The following FBXL20 variants were observed in gnomAD, a reference collection of about 807,000 sequenced individuals.
FBXL20 encodes the protein F-box/LRR-repeat protein 20.
Under a neutral mutation model 64.0 loss-of-function variants are expected in FBXL20, and 11 were observed. The ratio of observed to expected loss-of-function variants is 0.17; its 90% CI spans 0.11 to 0.28. The LOEUF (loss-of-function observed/expected upper bound fraction) is 0.28. Ranked by LOEUF, FBXL20 falls within the 10% of genes least tolerant of loss-of-function variation. FBXL20 has a pLI of 1.00. For missense variants in FBXL20, 303 were observed against 526.2 expected (o/e 0.58, Z 4.15); for synonymous variants, 184 against 189.0 (o/e 0.97, Z 0.22).
At chr17:39,326,356 G>A (rs1597799179) in intron 2 of FBXL20, among the ~76,000 whole-genome samples, 1 of 151,922 alleles carries the variant, frequency 6.6e-6, no homozygotes, top group East Asian at 1.9e-4. Context: ...ACTAATCAAA[G>A]TTAACTTAAA....
At chr17:39,312,699 G>GAT (rs1279374602) in intron 2 of FBXL20, among the ~76,000 whole-genome samples, 1 of 141,522 alleles carries the variant, frequency 7.1e-6, no homozygotes, top group Non-Finnish European at 1.5e-5. Context: ...TCAGTCTCCC[G>GAT]AGTTGCTGGG....
At chr17:39,362,603 G>A (rs1356550709) in intron 1 of FBXL20, among the ~76,000 whole-genome samples, 13 of 150,378 alleles carry the variant, frequency 8.6e-5, no homozygotes, top group African/African-American at 1.5e-4. Flanking sequence ...GATTACAGGC[G>A]TGAGCCACCA....
chr17:39,379,896 T>C (rs1322192683), intron 1 of FBXL20, among the ~76,000 whole-genome samples: 3 of 152,144 alleles, frequency 2.0e-5, no homozygotes, highest in Non-Finnish European at 4.4e-5. Context: ...GGAGGATCAC[T>C]TGAGCCCAGG....
At chr17:39,393,420 T>C (rs892120435) in intron 1 of FBXL20, among the ~76,000 whole-genome samples, 7 of 152,210 alleles carry the variant, frequency 4.6e-5, no homozygotes. Context: ...CAGTGGTTAC[T>C]ACATTTGATT....
Position 39,260,794 on chromosome 17 carries a change from T to C in FBXL20, c.*666A>G, listed in dbSNP as rs2046738533. On this transcript the variant is annotated 3_prime_UTR_variant, in exon 15 of 15. Transcript: ENST00000264658. Reference sequence around the variant, plus strand: ...ATGTAAGACAGGTGCACAAGTGTGCTACAGACAGTGATAATTTGAGTGTGT... The same window carrying C: ...ATGTAAGACAGGTGCACAAGTGTGCCACAGACAGTGATAATTTGAGTGTGT... 1 of 154,460 alleles carries C rather than the reference T, an allele frequency of 6.5e-6. No homozygotes were observed. Among genetic ancestry groups the C allele is most frequent in the Non-Finnish European group, 1.4e-5 (1 of 69,194 alleles). The allele number at this position is 154,460 out of a possible 1,614,324, so 9.6% of individuals were successfully genotyped here. A position where few individuals can be genotyped will look rare whatever the true frequency, so the allele number is the denominator to read the frequency against.
intron 1 of FBXL20, among the ~76,000 whole-genome samples, chr17:39,352,497 T>C (rs1459948584): frequency 6.6e-6 from 1 of 151,912 alleles, no homozygotes; most frequent in Admixed American, 6.6e-5. Context: ...CTGGCCAACA[T>C]GGTGAAACCC....
intron 1 of FBXL20, among the ~76,000 whole-genome samples, chr17:39,380,111 T>G (rs1280736635): frequency 6.6e-6 from 1 of 152,236 alleles, no homozygotes; most frequent in African/African-American, 2.4e-5. Context: ...TCTCATTTAT[T>G]GCAAGAGCTA....
At chr17:39,287,390 G>A (rs1012827490) in intron 6 of FBXL20, among the ~76,000 whole-genome samples, 2 of 151,830 alleles carry the variant, frequency 1.3e-5, no homozygotes, top group African/African-American at 4.8e-5. Flanking sequence ...TCTTTGTGTG[G>A]GCCAATGTTT....
At chr17:39,330,580 A>T (rs1334136120) in intron 2 of FBXL20, among the ~76,000 whole-genome samples, 1 of 151,996 alleles carries the variant, frequency 6.6e-6, no homozygotes, top group Non-Finnish European at 1.5e-5. Context: ...CACCACTAAC[A>T]CTCCAGTCTG....
At chr17:39,343,111 TAAA>T in intron 2 of FBXL20, 66 bp downstream of exon 2, 1 of 1,211,380 alleles carries the variant, frequency 8.3e-7, no homozygotes, top group Non-Finnish European at 1.2e-6. Context: ...AGCAAAAAGT[TAAA>T]AAATTTTAAA....
intron 2 of FBXL20, among the ~76,000 whole-genome samples, chr17:39,310,246 T>C (rs1261123858): frequency 2.0e-5 from 3 of 151,872 alleles, no homozygotes; most frequent in African/African-American, 7.3e-5. Flanking sequence ...CTGGAACCAA[T>C]GTGTCCAACT....
chr17:39,391,337 A>G (rs184227895), intron 1 of FBXL20, among the ~76,000 whole-genome samples: 5 of 152,210 alleles, frequency 3.3e-5, no homozygotes, highest in African/African-American at 9.6e-5. Context: ...ACAAAGTCTA[A>G]CTGGCTTTTC....
At chr17:39,394,996 G>C (rs1366429990) in intron 1 of FBXL20, among the ~76,000 whole-genome samples, 2 of 152,150 alleles carry the variant, frequency 1.3e-5, no homozygotes, top group Non-Finnish European at 2.9e-5. Context: ...AGAAAAGTGA[G>C]ATCAAGATTT....
intron 1 of FBXL20, among the ~76,000 whole-genome samples, chr17:39,370,191 T>TA (rs147101583): frequency 0.061 from 8,684 of 141,430 alleles, 263 homozygotes; most frequent in Non-Finnish European, 0.086. Flanking sequence ...GAGGATGGTT[T>TA]AAAAAAAAAA....
At chr17:39,387,133 G>A (rs1215011885) in intron 1 of FBXL20, among the ~76,000 whole-genome samples, 2 of 152,120 alleles carry the variant, frequency 1.3e-5, no homozygotes, top group Non-Finnish European at 2.9e-5. Flanking sequence ...TAGTCATTAA[G>A]TTACATGTGA....
intron 2 of FBXL20, among the ~76,000 whole-genome samples, chr17:39,308,820 C>T (rs745360720): frequency 7.9e-5 from 12 of 152,196 alleles, no homozygotes; most frequent in Admixed American, 2.0e-4. Context: ...CCGCCTCAGC[C>T]TCCCAAAGTG....
chr17:39,337,640 G>A (rs74670411), intron 2 of FBXL20, among the ~76,000 whole-genome samples: 4 of 148,564 alleles, frequency 2.7e-5, no homozygotes, highest in South Asian at 2.2e-4. Flanking sequence ...CGGCCGCCCC[G>A]TCTGAGAAAT....
In FBXL20 at chr17:39,353,558, T is replaced by C. The variant is rs374760549; in HGVS notation, c.43-10317A>G. Among the ~76,000 whole-genome samples the C allele has an allele frequency of 3.5e-4, 54 of 152,140 alleles. No individual in the cohort carries two copies. The East Asian group carries it at 8.7e-3, about 24-fold the overall frequency. ...TGCAATTTTAGGCTTCCACCAGGGG[T>C]CTTGGAACATATTCCCCATGGATAA... On this transcript the variant is annotated intron_variant, in intron 1 of 14. Transcript: ENST00000264658.
chr17:39,356,579 C>A (rs1280665737), intron 1 of FBXL20, among the ~76,000 whole-genome samples: 1 of 152,090 alleles, frequency 6.6e-6, no homozygotes, highest in African/African-American at 2.4e-5. Context: ...TAGTCTTGAA[C>A]TCCTGGACTC....
Sources: gnomAD v4.1 joint callset for allele counts (sites outside exome capture counted in the v4.1 genomes callset) on GRCh38, gnomAD v4.1.1 for gene constraint, MANE v1.5 for transcripts, NCBI Gene and HGNC (gene_info 2026-07-23, HGNC 2026-07-21) for gene names.